PPP2R2B: variants seen among roughly 807,000 people sequenced by gnomAD.
PPP2R2B encodes the protein protein phosphatase 2 regulatory subunit Bbeta, also known as serine/threonine-protein phosphatase 2A 55 kDa regulatory subunit B beta isoform.
A neutral mutation model predicts 46.0 loss-of-function variants in PPP2R2B; 5 were observed. The observed-to-expected ratio is 0.11, with a 90% CI of 0.06 to 0.23. PPP2R2B has a LOEUF of 0.23. Ranked by LOEUF, PPP2R2B falls within the 10% of genes least tolerant of loss-of-function variation. The probability of loss-of-function intolerance (pLI) is 1.00; values close to 1 mark genes in which losing one functional copy is unlikely to be tolerated. For missense variants in PPP2R2B, 367 were observed against 575.0 expected, an observed-to-expected ratio of 0.64 and a Z score of 3.70; for synonymous variants, 215 against 206.7, an observed-to-expected ratio of 1.04 and a Z score of -0.34.
chr5:146,617,704 T>C (rs985956921), intron 7 of PPP2R2B, among the ~76,000 whole-genome samples: 1 of 151,938 alleles, frequency 6.6e-6, no homozygotes, highest in African/African-American at 2.4e-5. Flanking sequence ...CTCTCTTTTT[T>C]TTTTTTTTGA....
intron 3 of PPP2R2B, among the ~76,000 whole-genome samples, 165 bp downstream of exon 3, chr5:146,700,880 T>G (rs920671732): frequency 6.6e-6 from 1 of 152,170 alleles, no homozygotes; most frequent in African/African-American, 2.4e-5. Flanking sequence ...TACAGGGCTT[T>G]TATGAGTCTG....
At chr5:146,723,467 A>G (rs928452909) in intron 2 of PPP2R2B, among the ~76,000 whole-genome samples, 1 of 152,210 alleles carries the variant, frequency 6.6e-6, no homozygotes, top group Non-Finnish European at 1.5e-5. Context: ...ACGGAGTCCT[A>G]AAACTGTCCT....
chr5:146,974,901 G>A (rs1048491333), intron 1 of PPP2R2B, among the ~76,000 whole-genome samples: 2 of 151,928 alleles, frequency 1.3e-5, no homozygotes, highest in African/African-American at 4.8e-5. Flanking sequence ...ATGTTAGCCA[G>A]GATGGTCTTG....
intron 7 of PPP2R2B, among the ~76,000 whole-genome samples, chr5:146,637,513 T>C (rs1774901019): frequency 6.6e-6 from 1 of 152,238 alleles, no homozygotes; most frequent in Admixed American, 6.5e-5. Flanking sequence ...TCCTTGTTTC[T>C]TTGTTCTCTC....
intron 2 of PPP2R2B, among the ~76,000 whole-genome samples, chr5:146,820,969 C>G (rs1188876887): frequency 6.6e-6 from 1 of 152,142 alleles, no homozygotes; most frequent in Non-Finnish European, 1.5e-5. Context: ...CTGGGCCATA[C>G]CATCTCTCAC....
intron 2 of PPP2R2B, chr5:146,706,545 T>C (rs182465977): frequency 2.1e-5 from 22 of 1,072,896 alleles, no homozygotes; most frequent in Non-Finnish European, 3.1e-5. Context: ...CTTGGTCTGC[T>C]GAAGGGCGGC....
intron 2 of PPP2R2B, among the ~76,000 whole-genome samples, chr5:146,771,468 A>G (rs1754851073): frequency 6.6e-6 from 1 of 152,192 alleles, no homozygotes; most frequent in South Asian, 2.1e-4. Flanking sequence ...GTATACTCAG[A>G]TTGGGCTAAA....
chr5:146,675,293 T>A lies in PPP2R2B; in HGVS notation c.447+15835A>T, dbSNP rs544192749. Among the ~76,000 whole-genome samples, 11 of 152,322 alleles carry A rather than the reference T, an allele frequency of 7.2e-5. No homozygotes were observed. The South Asian group carries it at 1.9e-3, about 26-fold the overall frequency. On this transcript the variant is annotated intron_variant, in intron 5 of 9. Coordinates refer to ENST00000394411, the MANE Select transcript of PPP2R2B (RefSeq NM_181675.4). ...GTATTTTATACAACATAAATTGTGA[T>A]GAAAATCTGAGTATTGCCCAAACAA...
At chr5:146,598,037 C>T (rs1771369590) in intron 8 of PPP2R2B, among the ~76,000 whole-genome samples, 1 of 152,170 alleles carries the variant, frequency 6.6e-6, no homozygotes, top group Admixed American at 6.6e-5. Context: ...AGCCAGAATC[C>T]CATTTCAGCT....
intron 2 of PPP2R2B, among the ~76,000 whole-genome samples, chr5:146,783,168 T>TTTA (rs1397413824): frequency 1.3e-5 from 2 of 152,190 alleles, no homozygotes; most frequent in Non-Finnish European, 2.9e-5. Context: ...AATCACATGA[T>TTTA]ATAAGAGTAT....
At chr5:146,905,126 T>A (rs1393433789) in intron 1 of PPP2R2B, among the ~76,000 whole-genome samples, 1 of 152,166 alleles carries the variant, frequency 6.6e-6, no homozygotes, top group African/African-American at 2.4e-5. Context: ...TCTACTAGAA[T>A]TGCCAAGACT....
intron 1 of PPP2R2B, among the ~76,000 whole-genome samples, chr5:146,885,224 C>A (rs1031158353): frequency 6.6e-6 from 1 of 152,134 alleles, no homozygotes; most frequent in Non-Finnish European, 1.5e-5. Context: ...TTTACTGAGG[C>A]TAATAGAGGT....
chr5:146,669,700 C>T (rs1271493930), intron 5 of PPP2R2B, among the ~76,000 whole-genome samples: 2 of 152,128 alleles, frequency 1.3e-5, no homozygotes, highest in African/African-American at 4.8e-5. Flanking sequence ...ACGTTACCTC[C>T]TTTAAGCTTC....
At chr5:146,941,886 G>C (rs996640694) in intron 1 of PPP2R2B, among the ~76,000 whole-genome samples, 1 of 152,128 alleles carries the variant, frequency 6.6e-6, no homozygotes, top group Non-Finnish European at 1.5e-5. Flanking sequence ...CTGAAATCAA[G>C]GTGTTGGCAG....
intron 7 of PPP2R2B, among the ~76,000 whole-genome samples, chr5:146,615,515 T>TAAAAAAAAAAAAAA (rs1364774106): frequency 2.8e-5 from 2 of 71,026 alleles, no homozygotes; most frequent in African/African-American, 4.6e-5. Flanking sequence ...AAAAAAAAAT[T>TAAAAAAAAAAAAAA]AAAAAAAAAA....
At chr5:146,675,978 G>A (rs183322109) in intron 5 of PPP2R2B, among the ~76,000 whole-genome samples, 2 of 151,998 alleles carry the variant, frequency 1.3e-5, no homozygotes, top group African/African-American at 4.8e-5. Context: ...GGAGCTGTCA[G>A]GTTCTATGAC....
chr5:147,062,296 C>G (rs944669961), intron 2 of PPP2R2B, among the ~76,000 whole-genome samples: 4 of 152,092 alleles, frequency 2.6e-5, no homozygotes, highest in African/African-American at 9.7e-5. Flanking sequence ...ACAAAATTGC[C>G]TAATATTACT....
chr5:146,875,636 A>T (rs1283037143), intron 2 of PPP2R2B, among the ~76,000 whole-genome samples: 1 of 152,248 alleles, frequency 6.6e-6, no homozygotes, highest in African/African-American at 2.4e-5. Flanking sequence ...TTTGGAGGAA[A>T]AAAAAGAACA....
In PPP2R2B at chr5:146,877,938, G is replaced by A; in HGVS notation, c.70+64C>T. ...CGCCACTACGCGCCCAGCTGCCCAG[G>A]AAGCACAGTGATCCGCAACTTGCGC... On this transcript the variant is annotated intron_variant, in intron 2 of 9. Transcript: ENST00000394411. 4.5e-6 allele frequency: 7 copies of A among 1,556,836 alleles called. No individual in the cohort carries two copies. In the East Asian group the frequency reaches 1.6e-4, roughly 35 times the overall value.
Sources: gnomAD v4.1 joint callset for allele counts (sites outside exome capture counted in the v4.1 genomes callset) on GRCh38, gnomAD v4.1.1 for gene constraint, MANE v1.5 for transcripts, NCBI Gene and HGNC (gene_info 2026-07-23, HGNC 2026-07-21) for gene names.